Variants in KHDRBS2 observed in about 807,000 individuals in gnomAD.
KHDRBS2 encodes the protein KH domain-containing, RNA-binding, signal transduction-associated protein 2.
In KHDRBS2, 26 loss-of-function variants were observed where a neutral mutation model predicts 44.3. That is an observed-to-expected ratio of 0.59 (90% CI 0.43 to 0.81). The LOEUF is 0.81. Ranked by LOEUF, KHDRBS2 falls within the 40% of genes least tolerant of loss-of-function variation. The probability of loss-of-function intolerance (pLI) is 0.00; values close to 1 mark genes in which losing one functional copy is unlikely to be tolerated. For missense variants in KHDRBS2, 476 were observed against 433.1 expected (o/e 1.10, Z -0.88); for synonymous variants, 194 against 151.1 (o/e 1.28, Z -2.08).
In KHDRBS2 at chr6:62,073,903, A is replaced by C. The variant is rs10944998; in HGVS notation, c.220-25909T>G. On this transcript the variant is annotated intron_variant, in intron 2 of 8. Coordinates refer to ENST00000281156, the MANE Select transcript of KHDRBS2 (RefSeq NM_152688.4). ...ATCCTCAAAAGAAGAACGGCAGATC[A>C]CTTTGGATTTATGCCCTGCTTTTCC... 4.1e-4 allele frequency among the ~76,000 whole-genome samples: 62 copies of C among 151,884 alleles called. 1 individual carries two copies. The East Asian group carries it at 0.011, about 27-fold the overall frequency.
chr6:61,864,187 C>T (rs1490982811), intron 6 of KHDRBS2, among the ~76,000 whole-genome samples: 1 of 152,038 alleles, frequency 6.6e-6, no homozygotes, highest in Non-Finnish European at 1.5e-5. Flanking sequence ...TGAGATGGGT[C>T]TCTTGAAGAC....
the KHDRBS2 span, among the ~76,000 whole-genome samples, chr6:61,629,989 T>G: frequency 6.6e-6 from 1 of 152,202 alleles, no homozygotes; most frequent in South Asian, 2.1e-4. Flanking sequence ...AAATAGTACT[T>G]TCAACCATTT....
At chr6:62,212,967 A>T (rs1323349223) in intron 1 of KHDRBS2, among the ~76,000 whole-genome samples, 2 of 152,172 alleles carry the variant, frequency 1.3e-5, no homozygotes, top group Admixed American at 1.3e-4. Context: ...AGATATATGA[A>T]TAAAGTGATT....
intron 6 of KHDRBS2, among the ~76,000 whole-genome samples, chr6:61,882,854 T>C (rs770390043): frequency 1.3e-5 from 2 of 152,046 alleles, no homozygotes; most frequent in Non-Finnish European, 2.9e-5. Flanking sequence ...ACAATCTTAC[T>C]AAGCAGGCAA....
intron 2 of KHDRBS2, among the ~76,000 whole-genome samples, chr6:62,104,057 T>C (rs1218530850): frequency 2.0e-5 from 3 of 152,182 alleles, no homozygotes; most frequent in East Asian, 1.9e-4. Context: ...GATAACCTTA[T>C]AGAAAAATAT....
chr6:61,658,870 G>A, the KHDRBS2 span, among the ~76,000 whole-genome samples: 1 of 96,822 alleles, frequency 1.0e-5, no homozygotes, highest in Non-Finnish European at 2.4e-5. Flanking sequence ...AACTTACTCT[G>A]CACTAGTAAA....
the KHDRBS2 span, among the ~76,000 whole-genome samples, chr6:61,670,012 A>G: frequency 6.6e-6 from 1 of 151,332 alleles, no homozygotes; most frequent in Non-Finnish European, 1.5e-5. Context: ...ATGGAGGAGG[A>G]AATGAAGGAA....
intron 6 of KHDRBS2, among the ~76,000 whole-genome samples, chr6:61,737,644 A>C (rs1775572923): frequency 6.6e-6 from 1 of 152,074 alleles, no homozygotes; most frequent in African/African-American, 2.4e-5. Context: ...TTTCTGAAGA[A>C]GTGAGAAAAA....
intron 1 of KHDRBS2, among the ~76,000 whole-genome samples, chr6:62,280,943 G>A (rs1370246239): frequency 1.3e-5 from 2 of 152,170 alleles, no homozygotes; most frequent in Non-Finnish European, 2.9e-5. Context: ...TTTTTAGGTG[G>A]TAGGAGGTTG....
intron 6 of KHDRBS2, among the ~76,000 whole-genome samples, chr6:61,841,309 C>A (rs908883101): frequency 1.3e-5 from 2 of 152,096 alleles, no homozygotes; most frequent in African/African-American, 2.4e-5. Flanking sequence ...TACCTCCTTT[C>A]CTAGAATTGT....
intron 6 of KHDRBS2, among the ~76,000 whole-genome samples, chr6:61,872,924 A>G (rs1798870997): frequency 6.6e-6 from 1 of 152,160 alleles, no homozygotes; most frequent in Non-Finnish European, 1.5e-5. Flanking sequence ...GCACATTTAT[A>G]GGTGAAAGAA....
the KHDRBS2 span, among the ~76,000 whole-genome samples, chr6:61,620,901 T>A: frequency 6.6e-6 from 1 of 152,148 alleles, no homozygotes; most frequent in Non-Finnish European, 1.5e-5. Context: ...CTCACTCCAT[T>A]TATATATGTT....
At chr6:61,743,559 T>C (rs1288491656) in intron 6 of KHDRBS2, among the ~76,000 whole-genome samples, 2 of 151,944 alleles carry the variant, frequency 1.3e-5, no homozygotes, top group African/African-American at 4.8e-5. Flanking sequence ...TGAAGAAAAA[T>C]GAAAAAAATT....
At chr6:62,056,546 G>A (rs914088797) in intron 2 of KHDRBS2, among the ~76,000 whole-genome samples, 1 of 151,928 alleles carries the variant, frequency 6.6e-6, no homozygotes, top group Admixed American at 6.6e-5. Context: ...ATGGGTTCAA[G>A]AGTGTTCATT....
intron 6 of KHDRBS2, among the ~76,000 whole-genome samples, chr6:61,827,882 C>T (rs1289439170): frequency 3.3e-5 from 5 of 152,144 alleles, no homozygotes; most frequent in Admixed American, 6.6e-5. Flanking sequence ...AGGCCTTATT[C>T]TCAAATACCA....
At chr6:61,895,525 C>G (rs1802785787) in intron 5 of KHDRBS2, among the ~76,000 whole-genome samples, 1 of 152,110 alleles carries the variant, frequency 6.6e-6, no homozygotes, top group Non-Finnish European at 1.5e-5. Context: ...TAGAGGAATA[C>G]TTTAGTATCT....
chr6:61,910,916 C>T (rs1045916338), intron 4 of KHDRBS2, among the ~76,000 whole-genome samples: 3 of 152,142 alleles, frequency 2.0e-5, no homozygotes, highest in Non-Finnish European at 2.9e-5. Flanking sequence ...ACATGATATA[C>T]GAGCTTTATT....
intron 6 of KHDRBS2, among the ~76,000 whole-genome samples, chr6:61,769,110 G>A (rs1263483066): frequency 1.3e-5 from 2 of 152,118 alleles, no homozygotes; most frequent in Non-Finnish European, 2.9e-5. Context: ...AGTTTAATAT[G>A]TTGCATTTTA....
At chr6:62,189,460 C>A (rs1182674884) in intron 1 of KHDRBS2, among the ~76,000 whole-genome samples, 1 of 151,884 alleles carries the variant, frequency 6.6e-6, no homozygotes, top group Non-Finnish European at 1.5e-5. Context: ...TAAGTGTTTG[C>A]CATTTTAAGC....
Sources: gnomAD v4.1 joint callset for allele counts (sites outside exome capture counted in the v4.1 genomes callset) on GRCh38, gnomAD v4.1.1 for gene constraint, MANE v1.5 for transcripts, NCBI Gene and HGNC (gene_info 2026-07-23, HGNC 2026-07-21) for gene names.